Variants in SMCP observed in about 807,000 individuals in gnomAD.
The protein encoded by SMCP is sperm mitochondrial-associated cysteine-rich protein.
For synonymous variants in SMCP, 41 were observed against 46.9 expected, an observed-to-expected ratio of 0.87 and a Z score of 0.51; for missense variants, 137 against 137.1, an observed-to-expected ratio of 1.00 and a Z score of 0.01.
intron 1 of SMCP, among the ~76,000 whole-genome samples, chr1:152,880,257 AAAC>A (rs1264738479): frequency 2.6e-5 from 4 of 152,172 alleles, no homozygotes; most frequent in Non-Finnish European, 5.9e-5. Context: ...GAGCAGATTC[AAAC>A]AACAAGGAGA....
At position 152,884,649 on chromosome 1, in the gene SMCP, C is replaced by T. The variant is rs1390853035; in HGVS notation, c.227C>T (p.Thr76Ile). ...CAGGCCAGGTGCTGTGGTTTGGAGA[C>T]CAAGCCTGAAGTCTCACCCCTTAAC... ...CIQARCCGLE[T>I]KPEVSPLNME... The change falls in exon 2 of 2, where the codon ACC becomes ATC. Residue 76 changes from threonine (T) to isoleucine (I), a missense_variant. Coordinates refer to ENST00000368765, the MANE Select transcript of SMCP (RefSeq NM_030663.3). 4 of 1,614,036 alleles carry T rather than the reference C, an allele frequency of 2.5e-6. No individual in the cohort carries two copies. The highest frequency in any genetic ancestry group is 2.2e-5 in the East Asian group (1 of 44,894).
Position 152,884,525 on chromosome 1 carries a change from T to C in SMCP, c.103T>C (p.Cys35Arg). The change falls in exon 2 of 2, where the codon TGC becomes CGC. Residue 35 changes from cysteine to arginine, a missense_variant. By Grantham distance (180) the Cys-to-Arg change is radical. Transcript: ENST00000368765. ...CTGCCAGTCAAAAGGCAATCAATGC[T>C]GCCCACCAAAACAGAACCAGTGCTG... ...QCCQSKGNQC[C>R]PPKQNQCCQP... 1.2e-6 allele frequency: 2 copies of C among 1,613,998 alleles called. No homozygotes were observed. Among genetic ancestry groups the C allele is most frequent in the Non-Finnish European group, 1.7e-6 (2 of 1,179,998 alleles).
Position 152,885,000 on chromosome 1 carries a change from G to A in SMCP, c.*227G>A, listed in dbSNP as rs965670923. ...GAAGAGGCTAGAATCATCTTTCCTA[G>A]TGATCCTGACATTTAGACAGCACAG... On this transcript the variant is annotated 3_prime_UTR_variant, in exon 2 of 2. Transcript: ENST00000368765. 1.7e-5 allele frequency: 10 copies of A among 573,114 alleles called. No homozygotes were observed. The highest frequency in any genetic ancestry group is 3.2e-5 in the Non-Finnish European group (10 of 316,966). 35.5% of individuals were successfully genotyped at this position (573,114 alleles called of 1,614,324 possible). A position where few individuals can be genotyped will look rare whatever the true frequency, so the allele number is the denominator to read the frequency against.
rs1649137760 is a variant in SMCP, at chr1:152,884,290, C to T, written c.-20-113C>T. 5.2e-6 allele frequency: 5 copies of T among 958,176 alleles called. No individual in the cohort carries two copies. The Admixed American group carries it at 1.2e-4, about 23-fold the overall frequency. The allele number at this position is 958,176 out of a possible 1,614,324, so 59.4% of individuals were successfully genotyped here. A position where few individuals can be genotyped will look rare whatever the true frequency, so the allele number is the denominator to read the frequency against. On this transcript the variant is annotated intron_variant, in intron 1 of 1. Transcript: ENST00000368765. ...GAGGGATCCAGCTCTGCTTTCTCAA[C>T]CCTGGTCTGAGTCATTATCCTGAAG...
chr1:152,884,790 A>G lies in SMCP; in HGVS notation c.*17A>G. ...AGCAAATGAGAGCAGAAGAAGTCAAACAAAGAAGAAGTCCCTGGGGCCATG... is the reference window on the plus strand; with the variant it reads ...AGCAAATGAGAGCAGAAGAAGTCAAGCAAAGAAGAAGTCCCTGGGGCCATG... On this transcript the variant is annotated 3_prime_UTR_variant, in exon 2 of 2. Coordinates refer to ENST00000368765, the MANE Select transcript of SMCP (RefSeq NM_030663.3). 4.4e-6 allele frequency: 7 copies of G among 1,605,194 alleles called. No homozygotes were observed. In the South Asian group the frequency reaches 7.7e-5, roughly 18 times the overall value.
At chr1:152,882,702 T>A (rs1461542024) in intron 1 of SMCP, among the ~76,000 whole-genome samples, 1 of 152,174 alleles carries the variant, frequency 6.6e-6, no homozygotes, top group Non-Finnish European at 1.5e-5. Context: ...GATATGGGCA[T>A]GTGTGTGCTT....
chr1:152,880,364 G>A (rs549478175), intron 1 of SMCP, among the ~76,000 whole-genome samples: 26 of 152,252 alleles, frequency 1.7e-4, no homozygotes, highest in African/African-American at 2.6e-4. Context: ...TTGTGTGTGC[G>A]TGTGGACACA....
intron 1 of SMCP, among the ~76,000 whole-genome samples, chr1:152,880,369 GAC>G (rs147082494): frequency 2.0e-5 from 3 of 151,846 alleles, no homozygotes; most frequent in Non-Finnish European, 2.9e-5. Flanking sequence ...TGTGCGTGTG[GAC>G]ACACACACAC....
chr1:152,880,785 C>A (rs1417627744), intron 1 of SMCP, among the ~76,000 whole-genome samples: 1 of 152,044 alleles, frequency 6.6e-6, no homozygotes, highest in Admixed American at 6.5e-5. Context: ...GTCACTCTCC[C>A]CTTTTTAGGT....
intron 1 of SMCP, among the ~76,000 whole-genome samples, chr1:152,880,127 GA>G (rs922839098): frequency 8.6e-5 from 13 of 150,380 alleles, no homozygotes; most frequent in African/African-American, 2.2e-4. Context: ...AGGCAGAGAG[GA>G]AAAAAAAATA....
intron 1 of SMCP, among the ~76,000 whole-genome samples, chr1:152,882,345 C>G (rs2101623031): frequency 6.6e-6 from 1 of 152,192 alleles, no homozygotes; most frequent in East Asian, 1.9e-4. Flanking sequence ...CTACAGGACA[C>G]AAAAGAAGAG....
chr1:152,883,326 G>T (rs2101623471), intron 1 of SMCP, among the ~76,000 whole-genome samples: 1 of 152,304 alleles, frequency 6.6e-6, no homozygotes, highest in Non-Finnish European at 1.5e-5. Context: ...CCTGCTCACT[G>T]TCTGCTGTTT....
At chr1:152,882,404 G>A (rs958459031) in intron 1 of SMCP, among the ~76,000 whole-genome samples, 1 of 152,192 alleles carries the variant, frequency 6.6e-6, no homozygotes, top group African/African-American at 2.4e-5. Flanking sequence ...AGTGTTTGGA[G>A]CAGGGCTGTG....
chr1:152,884,860 C>A lies in SMCP; in HGVS notation c.*87C>A. ...GGGGATTACTGAGAGTCAGGCTAGA[C>A]CTGTGTTTAGAGAAGCAGTTTTCAC... On this transcript the variant is annotated 3_prime_UTR_variant, in exon 2 of 2. Coordinates refer to ENST00000368765, the MANE Select transcript of SMCP (RefSeq NM_030663.3). The A allele has an allele frequency of 8.1e-7, 1 of 1,234,864 alleles. No individual in the cohort carries two copies. The highest frequency in any genetic ancestry group is 1.1e-6 in the Non-Finnish European group (1 of 879,936). 76.5% of individuals were successfully genotyped at this position (1,234,864 alleles called of 1,614,324 possible).
intron 1 of SMCP, among the ~76,000 whole-genome samples, chr1:152,879,123 G>T (rs1396960165): frequency 2.0e-5 from 3 of 152,236 alleles, no homozygotes; most frequent in Non-Finnish European, 4.4e-5. Context: ...ACAAGTGTTT[G>T]ACATGATTAG....
chr1:152,884,632 G>T lies in SMCP; in HGVS notation c.210G>T (p.Arg70Ser). The change falls in exon 2 of 2, where the codon AGG becomes AGT. Residue 70 changes from arginine (R) to serine (S), a missense_variant. Physicochemically the swap from Arg to Ser is moderately radical, Grantham distance 110. Coordinates refer to ENST00000368765, the MANE Select transcript of SMCP (RefSeq NM_030663.3). ...AACCCCCATGCTGCATTCAGGCCAG[G>T]TGCTGTGGTTTGGAGACCAAGCCTG... ...QPKPPCCIQA[R>S]CCGLETKPEV... The T allele has an allele frequency of 1.2e-6, 2 of 1,614,168 alleles. No homozygotes were observed. The highest frequency in any genetic ancestry group is 1.1e-5 in the South Asian group (1 of 91,076).
In SMCP at chr1:152,883,012, C is replaced by T. The variant is rs557052204; in HGVS notation, c.-20-1391C>T. ...TGAGCTGAGATCGCACCATTGCACT[C>T]CAGCCTGGGTGACAAGAGCGAAGCT... is the stretch of plus-strand genomic sequence containing the variant. On this transcript the variant is annotated intron_variant, in intron 1 of 1. Transcript: ENST00000368765. 7.9e-5 allele frequency among the ~76,000 whole-genome samples: 12 copies of T among 152,336 alleles called. No individual in the cohort carries two copies. In the South Asian group the frequency reaches 2.3e-3, roughly 29 times the overall value.
At chr1:152,881,130 G>A (rs150195631) in intron 1 of SMCP, among the ~76,000 whole-genome samples, 4 of 151,940 alleles carry the variant, frequency 2.6e-5, no homozygotes, top group African/African-American at 9.7e-5. Context: ...GGCTCAATGG[G>A]ACCCAGTTTG....
intron 1 of SMCP, among the ~76,000 whole-genome samples, chr1:152,879,040 G>A (rs1051764318): frequency 6.6e-6 from 1 of 152,144 alleles, no homozygotes; most frequent in East Asian, 1.9e-4. Context: ...AGCCCTCCTG[G>A]TGGTTTGGGC....
Sources: allele counts gnomAD v4.1 joint callset (sites outside exome capture counted in the v4.1 genomes callset), GRCh38; gene constraint gnomAD v4.1.1; transcripts MANE v1.5; gene names NCBI Gene and HGNC (gene_info 2026-07-23, HGNC 2026-07-21).